Variants in PRKCSH observed in about 807,000 individuals in gnomAD.
PRKCSH encodes the protein glucosidase 2 subunit beta.
Under a neutral mutation model 79.7 loss-of-function variants are expected in PRKCSH, and 42 were observed. The ratio of observed to expected loss-of-function variants is 0.53; its 90% confidence interval spans 0.41 to 0.68. The LOEUF is 0.68. Among genes scored for constraint, PRKCSH ranks in the 30% least tolerant of loss-of-function variants. The pLI, the probability that PRKCSH is intolerant of heterozygous loss-of-function variation, is 0.00. For missense variants in PRKCSH, 686 were observed against 709.0 expected, an observed-to-expected ratio of 0.97 and a Z score of 0.37; for synonymous variants, 325 against 288.2, an observed-to-expected ratio of 1.13 and a Z score of -1.29.
Position 11,447,242 on chromosome 19 carries a change from C to T in PRKCSH, c.849+82C>T. The stretch of plus-strand genomic sequence containing the variant: ...CCTCACAAAGGAGCTGCCTCTGGTT[C>T]TGGCACCTGGCCACCCTGGCCAGCT... On this transcript the variant is annotated intron_variant, in intron 10 of 17. Transcript: ENST00000677123. This position sits in a 1 kb window ranked among gnomAD's most constrained non-coding sequence, Gnocchi z 5.6. 1.3e-6 allele frequency: 2 copies of T among 1,509,814 alleles called. No individual in the cohort carries two copies. Among genetic ancestry groups the T allele is most frequent in the Non-Finnish European group, 1.8e-6 (2 of 1,098,936 alleles). The allele number at this position is 1,509,814 out of a possible 1,614,324, so 93.5% of individuals were successfully genotyped here.
In PRKCSH at chr19:11,435,655, G is replaced by C; in HGVS notation, c.-129G>C. ...GCTTTCTTTCTGCAGCAGGAACCGC[G>C]GCTGCTGGACAAGAGGGGTGCGGTG... On this transcript the variant is annotated 5_prime_UTR_variant, in exon 1 of 18. Transcript: ENST00000677123. The C allele has an allele frequency of 2.3e-6, 3 of 1,285,324 alleles. No individual in the cohort carries two copies. Among genetic ancestry groups the C allele is most frequent in the Non-Finnish European group, 3.1e-6 (3 of 983,538 alleles). 79.6% of individuals were successfully genotyped at this position (1,285,324 alleles called of 1,614,324 possible).
At position 11,447,629 on chromosome 19, in the gene PRKCSH, G is replaced by C. The variant is rs772059115; in HGVS notation, c.1029+11G>C. On this transcript the variant is annotated intron_variant, in intron 11 of 17. Transcript: ENST00000677123. This position sits in a 1 kb window ranked among gnomAD's most constrained non-coding sequence, Gnocchi z 5.6. ...GGGGAGCAGCCCAAGGTCCGTGTTT[G>C]GGGGAGAAGTGGAGACAGAGAGGGT... is the stretch of plus-strand genomic sequence containing the variant. The C allele has an allele frequency of 6.3e-7, 1 of 1,579,988 alleles. No individual in the cohort carries two copies. The highest frequency in any genetic ancestry group is 1.2e-5 in the South Asian group (1 of 86,902).
chr19:11,442,054 A>G (rs1970085746), intron 6 of PRKCSH, among the ~76,000 whole-genome samples: 1 of 152,196 alleles, frequency 6.6e-6, no homozygotes, highest in African/African-American at 2.4e-5. Context: ...TCCAGGCTGA[A>G]GGAACAGCAT....
intron 8 of PRKCSH, 134 bp downstream of exon 8, chr19:11,445,607 C>G (rs796335352): frequency 9.4e-6 from 8 of 850,808 alleles, no homozygotes; most frequent in Non-Finnish European, 1.5e-5. Flanking sequence ...TCCCAAGCCC[C>G]GTGTGACCCC....
intron 5 of PRKCSH, 52 bp from the exon 6 acceptor site, chr19:11,441,188 T>C (rs1158019674): frequency 6.3e-7 from 1 of 1,577,028 alleles, no homozygotes; most frequent in African/African-American, 1.3e-5. Flanking sequence ...GAGGCAGACC[T>C]GGTGGATCCT....
Position 11,442,383 on chromosome 19 carries a change from C to T in PRKCSH, c.469-3C>T. ...GCTGGTCTCTTGCCTTCTGCCCACC[C>T]AGAAAAAGCTCATTGAGCTACAGGC... On this transcript the variant is annotated splice_region_variant and splice_polypyrimidine_tract_variant and intron_variant, in intron 6 of 17. Coordinates refer to ENST00000677123, the MANE Select transcript of PRKCSH (RefSeq NM_001289104.2). 1 of 1,595,044 alleles carries T rather than the reference C, an allele frequency of 6.3e-7. No individual in the cohort carries two copies. Among genetic ancestry groups the T allele is most frequent in the Non-Finnish European group, 8.5e-7 (1 of 1,170,592 alleles).
In PRKCSH at chr19:11,436,066, C is replaced by G; in HGVS notation, c.-52C>G. Reference sequence around the variant, plus strand: ...CGTGAAGACACAGCGCATCTCCCCGCTGTAGGCTTCCTCCCACAGAACCCG... The same window carrying G: ...CGTGAAGACACAGCGCATCTCCCCGGTGTAGGCTTCCTCCCACAGAACCCG... On this transcript the variant is annotated 5_prime_UTR_variant, in exon 2 of 18. Coordinates refer to ENST00000677123, the MANE Select transcript of PRKCSH (RefSeq NM_001289104.2). 18 of 1,599,488 alleles carry G rather than the reference C, an allele frequency of 1.1e-5. No individual in the cohort carries two copies. Among genetic ancestry groups the G allele is most frequent in the Non-Finnish European group, 1.5e-5 (18 of 1,176,952 alleles).
chr19:11,440,565 C>T (rs1970016813), intron 5 of PRKCSH, among the ~76,000 whole-genome samples: 1 of 152,088 alleles, frequency 6.6e-6, no homozygotes, highest in South Asian at 2.1e-4. Flanking sequence ...CTTGCCTCAG[C>T]CTCCCGTGTA....
chr19:11,438,204 C>A lies in PRKCSH; in HGVS notation c.350+80C>A, dbSNP rs1463327384. 2.0e-6 allele frequency: 3 copies of A among 1,468,962 alleles called. No homozygotes were observed. In the East Asian group the frequency reaches 6.9e-5, roughly 34 times the overall value. The allele number at this position is 1,468,962 out of a possible 1,614,324, so 91.0% of individuals were successfully genotyped here. ...CCACCCAGTGAATCGGGCCCACTCT[C>A]TCTTCTGCTTTTCTGTATCGGGTTC... On this transcript the variant is annotated intron_variant, in intron 5 of 17. Transcript: ENST00000677123.
Position 11,447,699 on chromosome 19 carries a change from C to T in PRKCSH, c.1036C>T (p.Pro346Ser), listed in dbSNP as rs756452257. 39 of 1,574,654 alleles carry T rather than the reference C, an allele frequency of 2.5e-5. No individual in the cohort carries two copies. In the South Asian group the frequency reaches 4.2e-4, roughly 17 times the overall value. The change falls in exon 12 of 18, where the codon CCA (proline) becomes TCA (serine). Residue 346 changes from proline (P) to serine (S), a missense_variant. Pro to Ser is a moderately conservative substitution (Grantham distance 74). This residue lies in a region of PRKCSH where 549 missense variants were observed against 520.2 expected (regional missense o/e 1.06). Transcript: ENST00000677123. The surrounding 1 kb of genome is among the most constrained non-coding windows in gnomAD (Gnocchi z 5.6). ...EVQGEQPKEA[P>S]PPLSPPQPAS... ...GACCCTGCCCCTGCCCCAGGAGGCC[C>T]CACCGCCACTGTCACCCCCGCAGCC...
intron 3 of PRKCSH, among the ~76,000 whole-genome samples, chr19:11,437,012 C>T (rs748964655): frequency 6.6e-6 from 1 of 152,064 alleles, no homozygotes; most frequent in African/African-American, 2.4e-5. Flanking sequence ...TGTGAGCCAC[C>T]GTGCCTGGAT....
intron 5 of PRKCSH, among the ~76,000 whole-genome samples, chr19:11,438,427 C>G (rs570411752): frequency 6.6e-6 from 1 of 152,240 alleles, no homozygotes; most frequent in Non-Finnish European, 1.5e-5. Flanking sequence ...TGCAGCAGGT[C>G]CTGAAAACCG....
In PRKCSH at chr19:11,448,713, T is replaced by C; in HGVS notation, c.1286+84T>C. ...AGTGGCACCGGCAGTTTCCTGATGGTTGGGGAACCATCTGCGGGTGGGGCC... is the reference window on the plus strand; with the variant it reads ...AGTGGCACCGGCAGTTTCCTGATGGCTGGGGAACCATCTGCGGGTGGGGCC... On this transcript the variant is annotated intron_variant, in intron 14 of 17. Transcript: ENST00000677123. The surrounding 1 kb of genome is among the most constrained non-coding windows in gnomAD (Gnocchi z 4.4). The C allele has an allele frequency of 6.9e-7, 1 of 1,440,408 alleles. No individual in the cohort carries two copies. Among genetic ancestry groups the C allele is most frequent in the African/African-American group, 1.4e-5 (1 of 71,274 alleles). 89.2% of individuals were successfully genotyped at this position (1,440,408 alleles called of 1,614,324 possible). A position where few individuals can be genotyped will look rare whatever the true frequency, so the allele number is the denominator to read the frequency against.
intron 1 of PRKCSH, 142 bp downstream of exon 1, chr19:11,435,848 G>C (rs902619362): frequency 8.3e-7 from 1 of 1,208,928 alleles, no homozygotes; most frequent in Non-Finnish European, 1.1e-6. Context: ...GGCACAGGGA[G>C]CGGAGGTTTT....
In PRKCSH at chr19:11,438,089, G is replaced by A; in HGVS notation, c.315G>A (p.Glu105=). 6.2e-7 allele frequency: 1 copy of A among 1,614,178 alleles called. No individual in the cohort carries two copies. The highest frequency in any genetic ancestry group is 8.5e-7 in the Non-Finnish European group (1 of 1,180,026). ...GVCDCCDGTD[E]YNSGVICENT... is the part of the protein sequence containing the mutation. ...CAGACTGCTGCGATGGAACAGACGAGTACAACAGCGGCGTCATCTGTGAGA... is the reference window on the plus strand; with the variant it reads ...CAGACTGCTGCGATGGAACAGACGAATACAACAGCGGCGTCATCTGTGAGA... Residue 105 remains glutamate, a synonymous_variant, in exon 5 of 18, where the codon GAG becomes GAA. Coordinates refer to ENST00000677123, the MANE Select transcript of PRKCSH (RefSeq NM_001289104.2).
chr19:11,436,449 C>G lies in PRKCSH; in HGVS notation c.140C>G (p.Pro47Arg). The G allele has an allele frequency of 6.2e-7, 1 of 1,614,208 alleles. No homozygotes were observed. Among genetic ancestry groups the G allele is most frequent in the Non-Finnish European group, 8.5e-7 (1 of 1,180,036 alleles). The change falls in exon 3 of 18, where the codon CCA becomes CGA. Residue 47 changes from proline (P) to arginine (R), a missense_variant. Transcript: ENST00000677123. ...TGCCTGGACGGTTCGGCCACCATCC[C>G]ATTTGATCAGGTCAACGATGACTAT... is the stretch of plus-strand genomic sequence containing the variant. Reference protein sequence around the residue: ...FTCLDGSATIPFDQVNDDYCD... With the variant: ...FTCLDGSATIRFDQVNDDYCD...
chr19:11,440,953 C>G, intron 5 of PRKCSH: 1 of 409,556 alleles, frequency 2.4e-6, no homozygotes, highest in Non-Finnish European at 4.7e-6. Flanking sequence ...GCATGAACCA[C>G]TGCACCCAGC....
At chr19:11,436,261 G>T in intron 2 of PRKCSH, 65 bp downstream of exon 2, 1 of 1,596,880 alleles carries the variant, frequency 6.3e-7, no homozygotes. Context: ...GGGCCTTAGG[G>T]ATAGGCATTT....
intron 5 of PRKCSH, among the ~76,000 whole-genome samples, chr19:11,440,053 A>G (rs181553588): frequency 1.1e-4 from 16 of 151,418 alleles, no homozygotes; most frequent in Admixed American, 5.9e-4. Flanking sequence ...AAAAAAAACA[A>G]AAAAAACACA....
Sources: allele counts gnomAD v4.1 joint callset (sites outside exome capture counted in the v4.1 genomes callset), GRCh38; gene constraint gnomAD v4.1.1; regional missense constraint gnomAD v4.1.1; non-coding constraint Gnocchi (gnomAD v3.1); transcripts MANE v1.5; gene names NCBI Gene and HGNC (gene_info 2026-07-23, HGNC 2026-07-21).